EIF1AD: variants seen among roughly 807,000 people sequenced by gnomAD.
The protein encoded by EIF1AD is probable RNA-binding protein EIF1AD.
EIF1AD carries 9 observed loss-of-function variants against 21.7 expected under a neutral mutation model. That is an observed-to-expected ratio of 0.41 (90% CI 0.25 to 0.72). EIF1AD has a LOEUF of 0.72. EIF1AD is among the 30% of genes least tolerant of loss of function. The pLI is 0.29. For synonymous variants in EIF1AD, 78 were observed against 70.9 expected (o/e 1.10, Z -0.50); for missense variants, 164 against 199.7 (o/e 0.82, Z 1.08).
intron 1 of EIF1AD, among the ~76,000 whole-genome samples, chr11:66,001,501 T>C (rs992525799): frequency 2.0e-5 from 3 of 146,662 alleles, no homozygotes; most frequent in African/African-American, 7.5e-5. Flanking sequence ...AAGTAACTCC[T>C]ATAATCTTAA....
At chr11:65,999,836 G>T in intron 3 of EIF1AD, 161 bp from the exon 4 acceptor site, 1 of 653,366 alleles carries the variant, frequency 1.5e-6, no homozygotes. Flanking sequence ...AGGCTGGCAA[G>T]CAATAGCATG....
In EIF1AD at chr11:65,998,654, T is replaced by G; in HGVS notation, c.443A>C (p.Asn148Thr). ...CTCACTCTCATGATACTGTCTGCGGTTTGTGTTAACAAACAGGTCAGAATC... is the reference window on the plus strand; with the variant it reads ...CTCACTCTCATGATACTGTCTGCGGGTTGTGTTAACAAACAGGTCAGAATC... ...EDDSDLFVNT[N>T]RRQYHESEEE... is the part of the protein sequence containing the mutation. The change falls in exon 6 of 6, where the codon AAC (asparagine) becomes ACC (threonine). Residue 148 changes from asparagine to threonine, a missense_variant. Coordinates refer to ENST00000533544, the MANE Select transcript of EIF1AD (RefSeq NM_001242481.2). The G allele has an allele frequency of 6.2e-7, 1 of 1,614,192 alleles. No homozygotes were observed.
chr11:65,999,047 G>A (rs1855834815), intron 5 of EIF1AD, among the ~76,000 whole-genome samples: 1 of 152,152 alleles, frequency 6.6e-6, no homozygotes, highest in Non-Finnish European at 1.5e-5. Context: ...ACTGCACTAA[G>A]CAATTTTACA....
chr11:65,999,430 A>C (rs772499909), intron 4 of EIF1AD, 33 bp from the exon 5 acceptor site: 8 of 1,614,192 alleles, frequency 5.0e-6, no homozygotes, highest in Non-Finnish European at 6.8e-6. Context: ...GTCAGAAAGG[A>C]CAAATAAATT....
Position 66,000,343 on chromosome 11 carries a change from C to T in EIF1AD, c.47G>A (p.Gly16Glu), listed in dbSNP as rs773921780. 2 of 1,613,210 alleles carry T rather than the reference C, an allele frequency of 1.2e-6. No homozygotes were observed. Among genetic ancestry groups the T allele is most frequent in the African/African-American group, 2.7e-5 (2 of 74,872 alleles). Residue 16 changes from glycine (G) to glutamate (E), a missense_variant, in exon 2 of 6, where the codon GGG becomes GAG. Gly to Glu is a moderately conservative substitution (Grantham distance 98, BLOSUM62 -2). Coordinates refer to ENST00000533544, the MANE Select transcript of EIF1AD (RefSeq NM_001242481.2). Reference protein sequence around the residue: ...KRKHVVKEVLGEHIVPSDQQQ... With the variant: ...KRKHVVKEVLEEHIVPSDQQQ... ...CTGGTCGGAGGGCACTATGTGCTCC[C>T]CTAGCACCTCCTTCACCACATGCTT...
chr11:66,000,808 C>T (rs942545489), intron 1 of EIF1AD: 6 of 170,352 alleles, frequency 3.5e-5, no homozygotes, highest in South Asian at 2.7e-4. Flanking sequence ...CACCACCTGG[C>T]CCTGGTGGCT....
rs117625825 is a variant in EIF1AD at position 65,998,254 on chromosome 11, G to C, written c.*345C>G. 1 of 192,692 alleles carries C rather than the reference G, an allele frequency of 5.2e-6. No homozygotes were observed. The highest frequency in any genetic ancestry group is 1.1e-5 in the Non-Finnish European group (1 of 92,656). 11.9% of individuals were successfully genotyped at this position (192,692 alleles called of 1,614,324 possible). A position where few individuals can be genotyped will look rare whatever the true frequency, so the allele number is the denominator to read the frequency against. ...TGCAAGAAGGCCCAGAGCACGGCCT[G>C]GCACTTTCTAAGTGCCCAATAAGAA... On this transcript the variant is annotated 3_prime_UTR_variant, in exon 6 of 6. Transcript: ENST00000533544.
chr11:65,999,494 C>A, intron 4 of EIF1AD, 73 bp downstream of exon 4: 1 of 1,600,280 alleles, frequency 6.2e-7, no homozygotes, highest in East Asian at 2.2e-5. Context: ...ATGACCTTCC[C>A]TCCCCTAATT....
At position 65,998,448 on chromosome 11, in the gene EIF1AD, T is replaced by G; in HGVS notation, c.*151A>C. ...GAACAAGTCACCAACCCACCAGGGG[T>G]TTAATTCTCTGAATCAAAAGATCAG... On this transcript the variant is annotated 3_prime_UTR_variant, in exon 6 of 6. Transcript: ENST00000533544. 2 of 965,240 alleles carry G rather than the reference T, an allele frequency of 2.1e-6. No homozygotes were observed. Among genetic ancestry groups the G allele is most frequent in the Admixed American group, 2.8e-5 (1 of 36,308 alleles). 59.8% of individuals were successfully genotyped at this position (965,240 alleles called of 1,614,324 possible). A position where few individuals can be genotyped will look rare whatever the true frequency, so the allele number is the denominator to read the frequency against.
In EIF1AD at chr11:65,999,394, A is replaced by G. The variant is rs750016208; in HGVS notation, c.309T>C (p.Pro103=). Residue 103 remains proline (P), a synonymous_variant, in exon 5 of 6, where the codon CCT becomes CCC. Coordinates refer to ENST00000533544, the MANE Select transcript of EIF1AD (RefSeq NM_001242481.2). ...TCTCAGCCACTTCAGAGAAGGCCTC[A>G]GGCCTATGCCAAGAGATGAGCCAAA... is the stretch of plus-strand genomic sequence containing the variant. ...VRSLQKEGFW[P]EAFSEVAEKH... 6.8e-6 allele frequency: 11 copies of G among 1,614,136 alleles called. No individual in the cohort carries two copies. The highest frequency in any genetic ancestry group is 3.3e-4 in the Middle Eastern group (2 of 6,084).
chr11:66,000,366 C>G lies in EIF1AD; in HGVS notation c.24G>C (p.Lys8Asn), dbSNP rs761183142. 1.2e-6 allele frequency: 2 copies of G among 1,612,524 alleles called. No homozygotes were observed. The highest frequency in any genetic ancestry group is 1.7e-6 in the Non-Finnish European group (2 of 1,179,336). Reference sequence around the variant, plus strand: ...CCCCTAGCACCTCCTTCACCACATGCTTCCTCTTGGTGGCCTGAGACATGC... The same window carrying G: ...CCCCTAGCACCTCCTTCACCACATGGTTCCTCTTGGTGGCCTGAGACATGC... MSQATKR[K>N]HVVKEVLGEH... Residue 8 changes from lysine to asparagine, a missense_variant, in exon 2 of 6, where the codon AAG becomes AAC. Transcript: ENST00000533544.
chr11:65,999,494 C>T (rs937448764), intron 4 of EIF1AD, 73 bp downstream of exon 4: 17 of 1,600,162 alleles, frequency 1.1e-5, no homozygotes, highest in Non-Finnish European at 1.5e-5. Context: ...ATGACCTTCC[C>T]TCCCCTAATT....
Position 65,999,696 on chromosome 11 carries a change from G to A in EIF1AD, c.197-21C>T, listed in dbSNP as rs373731888. The A allele has an allele frequency of 1.3e-4, 195 of 1,553,578 alleles. 2 individuals carry two copies. The East Asian group carries it at 1.4e-3, about 11-fold the overall frequency. ...GTCCCCTGTAGATAAGAAGAGAAAA[G>A]GCAAAGTCAGGCCTGCTTGCAATAA... On this transcript the variant is annotated intron_variant, in intron 3 of 5. Transcript: ENST00000533544.
intron 3 of EIF1AD, 138 bp from the exon 4 acceptor site, chr11:65,999,813 T>A: frequency 1.5e-6 from 1 of 681,402 alleles, no homozygotes; most frequent in South Asian, 1.9e-5. Flanking sequence ...GACAGGGTCT[T>A]GCTCTGTTGC....
At position 65,998,346 on chromosome 11, in the gene EIF1AD, C is replaced by A. The variant is rs1028337746; in HGVS notation, c.*253G>T. ...CCTCCCCATTCAGCCCACCCACCCACAAGGTCTCTAATAAATAGGGAGCAG... is the reference window on the plus strand; with the variant it reads ...CCTCCCCATTCAGCCCACCCACCCAAAAGGTCTCTAATAAATAGGGAGCAG... On this transcript the variant is annotated 3_prime_UTR_variant, in exon 6 of 6. Transcript: ENST00000533544. 2.1e-5 allele frequency: 6 copies of A among 288,866 alleles called. No individual in the cohort carries two copies. Among genetic ancestry groups the A allele is most frequent in the Non-Finnish European group, 3.2e-5 (5 of 155,288 alleles). The allele number at this position is 288,866 out of a possible 1,614,324, so 17.9% of individuals were successfully genotyped here. A position where few individuals can be genotyped will look rare whatever the true frequency, so the allele number is the denominator to read the frequency against.
At position 65,998,549 on chromosome 11, in the gene EIF1AD, A is replaced by G; in HGVS notation, c.*50T>C. 1.2e-6 allele frequency: 2 copies of G among 1,602,604 alleles called. No homozygotes were observed. Among genetic ancestry groups the G allele is most frequent in the Non-Finnish European group, 1.7e-6 (2 of 1,174,536 alleles). ...GCACCCTGGGAATGTCCAAGCCCAG[A>G]AGAGCCAGGGGCCAGTCCCTGAGCA... On this transcript the variant is annotated 3_prime_UTR_variant, in exon 6 of 6. Transcript: ENST00000533544.
In EIF1AD at chr11:65,998,491, C is replaced by G; in HGVS notation, c.*108G>C. On this transcript the variant is annotated 3_prime_UTR_variant, in exon 6 of 6. Transcript: ENST00000533544. ...AAGATCAGTTCAGAGAGGAGCCCTG[C>G]TTTGTCCTCATGCAGGGGTGAAGAT... 7.1e-7 allele frequency: 1 copy of G among 1,408,308 alleles called. No individual in the cohort carries two copies. The highest frequency in any genetic ancestry group is 9.6e-7 in the Non-Finnish European group (1 of 1,036,502). The allele number at this position is 1,408,308 out of a possible 1,614,324, so 87.2% of individuals were successfully genotyped here. A position where few individuals can be genotyped will look rare whatever the true frequency, so the allele number is the denominator to read the frequency against.
rs1855874056 is a variant in EIF1AD at position 65,999,785 on chromosome 11, CT to C, written c.197-111del. ...AGAGGGCTGCCTCTCTCACCTCTCT[CT>C]TTTTTCTTTTTTTTGAGACAGGGTC... On this transcript the variant is annotated intron_variant, in intron 3 of 5. Transcript: ENST00000533544. 10 of 766,326 alleles carry C rather than the reference CT, an allele frequency of 1.3e-5. No homozygotes were observed. In the South Asian group the frequency reaches 1.5e-4, roughly 12 times the overall value. 47.5% of individuals were successfully genotyped at this position (766,326 alleles called of 1,614,324 possible). A position where few individuals can be genotyped will look rare whatever the true frequency, so the allele number is the denominator to read the frequency against.
rs1855790416 is a variant in EIF1AD at position 65,997,952 on chromosome 11, G to T, written c.*647C>A. Reference sequence around the variant, plus strand: ...ATGGACCATTCAAAACAAAGTTAAGGATAGAGAGATTTGCCAGCCACCTTC... The same window carrying T: ...ATGGACCATTCAAAACAAAGTTAAGTATAGAGAGATTTGCCAGCCACCTTC... On this transcript the variant is annotated 3_prime_UTR_variant, in exon 6 of 6. Transcript: ENST00000533544. The T allele has an allele frequency of 6.6e-6, 1 of 152,380 alleles. No homozygotes were observed. Among genetic ancestry groups the T allele is most frequent in the East Asian group, 1.9e-4 (1 of 5,202 alleles). The allele number at this position is 152,380 out of a possible 1,614,324, so 9.4% of individuals were successfully genotyped here. A position where few individuals can be genotyped will look rare whatever the true frequency, so the allele number is the denominator to read the frequency against.
Sources: gnomAD v4.1 joint callset for allele counts (sites outside exome capture counted in the v4.1 genomes callset) on GRCh38, gnomAD v4.1.1 for gene constraint, MANE v1.5 for transcripts, NCBI Gene and HGNC (gene_info 2026-07-23, HGNC 2026-07-21) for gene names.